Variants in MYSM1 observed in about 807,000 individuals in gnomAD.
The protein encoded by MYSM1 is Myb like, SWIRM and MPN domains 1, also known as deubiquitinase MYSM1.
Under a neutral mutation model 116.0 loss-of-function variants are expected in MYSM1, and 51 were observed. The observed-to-expected ratio is 0.44, with a 90% CI of 0.35 to 0.56. The LOEUF (loss-of-function observed/expected upper bound fraction) is 0.56, where lower values mean the gene tolerates loss of function less well. Ranked by LOEUF, MYSM1 falls within the 20% of genes least tolerant of loss-of-function variation. The pLI is 0.00. For missense variants in MYSM1, 900 were observed against 974.9 expected (o/e 0.92, Z 1.02); for synonymous variants, 313 against 315.2 (o/e 0.99, Z 0.07).
At chr1:58,682,608 A>T in intron 7 of MYSM1, 63 bp from the exon 8 acceptor site, 1 of 1,409,226 alleles carries the variant, frequency 7.1e-7, no homozygotes, top group African/African-American at 1.4e-5. Context: ...TCACTGGTAC[A>T]CACAAAAAAG....
intron 15 of MYSM1, 103 bp downstream of exon 15, chr1:58,667,744 G>T (rs1420981430): frequency 4.1e-6 from 3 of 724,580 alleles, no homozygotes; most frequent in East Asian, 2.7e-5. Flanking sequence ...ATATATCATA[G>T]GTAAAGTCTG....
intron 2 of MYSM1, 58 bp from the exon 3 acceptor site, chr1:58,692,989 T>C: frequency 7.3e-7 from 1 of 1,373,260 alleles, no homozygotes; most frequent in Non-Finnish European, 1.0e-6. Context: ...AATTATCTTC[T>C]GTTTTGGTAA....
In MYSM1 at chr1:58,665,692, T is replaced by C. The variant is rs1368056375; in HGVS notation, c.2032-61A>G. ...ATATAAATTCAAAAGCCAATATTTA[T>C]CCATACTAACATTTTAAACATCTAA... is the stretch of plus-strand genomic sequence containing the variant. On this transcript the variant is annotated intron_variant, in intron 16 of 19. Transcript: ENST00000472487. 5.2e-6 allele frequency: 6 copies of C among 1,158,012 alleles called. No individual in the cohort carries two copies. The Admixed American group carries it at 1.1e-4, about 21-fold the overall frequency. The allele number at this position is 1,158,012 out of a possible 1,614,324, so 71.7% of individuals were successfully genotyped here. A position where few individuals can be genotyped will look rare whatever the true frequency, so the allele number is the denominator to read the frequency against.
Position 58,682,040 on chromosome 1 carries a change from G to A in MYSM1, c.1004C>T (p.Ala335Val). Residue 335 changes from alanine (A) to valine (V), a missense_variant, in exon 8 of 20, where the codon GCC becomes GTC. By Grantham distance (64) the Ala-to-Val change is moderately conservative (BLOSUM62 0). Around this residue, in one of 3 missense-constraint regions of MYSM1, gnomAD observed 622 missense variants for 623.7 expected, o/e 1.00. Transcript: ENST00000472487. ...AGGCTCTGGAGAAGGCAACTGCCTGGCATCAACTATTATTCCCCTTCCATC... is the reference window on the plus strand; with the variant it reads ...AGGCTCTGGAGAAGGCAACTGCCTGACATCAACTATTATTCCCCTTCCATC... ...KHDGRGIIVDARQLPSPEPCE... is the reference protein window; with the variant it reads ...KHDGRGIIVDVRQLPSPEPCE... 6.2e-7 allele frequency: 1 copy of A among 1,614,100 alleles called. No homozygotes were observed. Among genetic ancestry groups the A allele is most frequent in the Non-Finnish European group, 8.5e-7 (1 of 1,180,014 alleles).
chr1:58,691,668 C>T (rs1644907912), intron 3 of MYSM1, among the ~76,000 whole-genome samples: 1 of 152,108 alleles, frequency 6.6e-6, no homozygotes. Flanking sequence ...GAGTTCAAGA[C>T]CAGCCTGGCC....
At position 58,655,291 on chromosome 1, in the gene MYSM1, G is replaced by A. The variant is rs1644305254; in HGVS notation, c.*4706C>T. On this transcript the variant is annotated 3_prime_UTR_variant, in exon 20 of 20. Transcript: ENST00000472487. ...ATTTAACTGACTTCTTAAGAGACGA[G>A]GAAATGTCAAAAATAGCAAATCAGG... is the stretch of plus-strand genomic sequence containing the variant. 1 of 144,916 alleles carries A rather than the reference G, an allele frequency of 6.9e-6. No homozygotes were observed. The highest frequency in any genetic ancestry group is 2.6e-5 in the African/African-American group (1 of 39,002). 9.0% of individuals were successfully genotyped at this position (144,916 alleles called of 1,614,324 possible).
In MYSM1 at chr1:58,687,177, AATAATTCC is replaced by A. The variant is rs1644838867; in HGVS notation, c.399+1853_399+1860del. Among the ~76,000 whole-genome samples the A allele has an allele frequency of 2.6e-5, 4 of 152,302 alleles. No individual in the cohort carries two copies. The South Asian group carries it at 8.3e-4, about 32-fold the overall frequency. The stretch of plus-strand genomic sequence containing the variant: ...TTAAAAAAAAGCTGAAAATACAACT[AATAATTCC>A]ATGCTTGTTGTGTAGGAAAACATTC... On this transcript the variant is annotated intron_variant, in intron 6 of 19. Transcript: ENST00000472487.
chr1:58,685,297 T>C, intron 6 of MYSM1, 46 bp from the exon 7 acceptor site: 1 of 1,346,916 alleles, frequency 7.4e-7, no homozygotes, highest in Non-Finnish European at 1.0e-6. Flanking sequence ...ATGAATTTAC[T>C]TAAGAATAGT....
In MYSM1 at chr1:58,685,270, A is replaced by G. The variant is rs766075298; in HGVS notation, c.400-19T>C. On this transcript the variant is annotated intron_variant, in intron 6 of 19. Transcript: ENST00000472487. ...ATTTAGCCTGTATTATTAAAATGGGAAAAAAAATTGCTTTTGATGAATTTA... is the reference window on the plus strand; with the variant it reads ...ATTTAGCCTGTATTATTAAAATGGGGAAAAAAATTGCTTTTGATGAATTTA... 3 of 1,567,790 alleles carry G rather than the reference A, an allele frequency of 1.9e-6. No homozygotes were observed. The highest frequency in any genetic ancestry group is 2.6e-6 in the Non-Finnish European group (3 of 1,154,434).
chr1:58,677,991 T>C (rs551937442), intron 8 of MYSM1, among the ~76,000 whole-genome samples: 18 of 152,294 alleles, frequency 1.2e-4, no homozygotes, highest in African/African-American at 4.1e-4. Context: ...TCCATGAATA[T>C]ATTGTTCTAA....
intron 17 of MYSM1, among the ~76,000 whole-genome samples, chr1:58,664,661 TATTA>T (rs761025617): frequency 1.3e-4 from 20 of 152,180 alleles, no homozygotes; most frequent in Admixed American, 8.5e-4. Flanking sequence ...AGAAATTAAT[TATTA>T]AACAAATATT....
At chr1:58,690,969 T>C (rs1644897308) in intron 3 of MYSM1, among the ~76,000 whole-genome samples, 1 of 152,136 alleles carries the variant, frequency 6.6e-6, no homozygotes, top group Non-Finnish European at 1.5e-5. Flanking sequence ...AGAACTTCCC[T>C]CTTAAAGTTA....
At chr1:58,691,801 A>T (rs1471101036) in intron 3 of MYSM1, among the ~76,000 whole-genome samples, 1 of 152,114 alleles carries the variant, frequency 6.6e-6, no homozygotes, top group Non-Finnish European at 1.5e-5. Context: ...AGGGAGGCAG[A>T]GGTTGCAGTG....
chr1:58,660,238 G>T, intron 19 of MYSM1, 83 bp from the exon 20 acceptor site: 1 of 802,560 alleles, frequency 1.2e-6, no homozygotes, highest in Non-Finnish European at 1.8e-6. Context: ...TCCCTTTCCA[G>T]ACCTCACATT....
intron 11 of MYSM1, among the ~76,000 whole-genome samples, chr1:58,672,355 C>A (rs765644718): frequency 2.6e-5 from 4 of 152,098 alleles, no homozygotes; most frequent in Non-Finnish European, 4.4e-5. Flanking sequence ...TCTAGAATGT[C>A]TGGCCCAGTT....
chr1:58,694,510 A>T (rs558385199), intron 2 of MYSM1, among the ~76,000 whole-genome samples: 108 of 151,972 alleles, frequency 7.1e-4, no homozygotes, highest in Non-Finnish European at 1.3e-3. Context: ...AGTCCCAGCT[A>T]CTCGGGAGAC....
chr1:58,672,048 T>C, intron 11 of MYSM1, 90 bp from the exon 12 acceptor site: 1 of 1,017,268 alleles, frequency 9.8e-7, no homozygotes, highest in South Asian at 1.4e-5. Flanking sequence ...GAAGGGCATG[T>C]GAGGACAAGA....
At chr1:58,660,184 A>C in intron 19 of MYSM1, 29 bp from the exon 20 acceptor site, 2 of 1,433,262 alleles carry the variant, frequency 1.4e-6, no homozygotes, top group Middle Eastern at 1.9e-4. Context: ...TTTATATTTA[A>C]ATACAGAAAA....
intron 19 of MYSM1, among the ~76,000 whole-genome samples, chr1:58,660,719 C>G (rs1191507279): frequency 1.3e-5 from 2 of 152,102 alleles, no homozygotes; most frequent in Non-Finnish European, 2.9e-5. Flanking sequence ...AGCCTTCAAT[C>G]ATTACAGAAG....
Sources: allele counts gnomAD v4.1 joint callset (sites outside exome capture counted in the v4.1 genomes callset), GRCh38; gene constraint gnomAD v4.1.1; regional missense constraint gnomAD v4.1.1; transcripts MANE v1.5; gene names NCBI Gene and HGNC (gene_info 2026-07-23, HGNC 2026-07-21).